The following FOXP1 variants were observed in gnomAD, a reference collection of about 807,000 sequenced individuals.
The protein encoded by FOXP1 is forkhead box P1.
In FOXP1, 15 loss-of-function variants were observed where a neutral mutation model predicts 98.2. The ratio of observed to expected loss-of-function variants is 0.15; its 90% CI spans 0.10 to 0.24. The LOEUF (loss-of-function observed/expected upper bound fraction) is 0.24. Among genes scored for constraint, FOXP1 ranks in the 10% least tolerant of loss-of-function variants. The pLI is 1.00. For synonymous variants in FOXP1, 371 were observed against 314.5 expected (o/e 1.18, Z -1.90); for missense variants, 633 against 848.5 (o/e 0.75, Z 3.15).
intron 7 of FOXP1, among the ~76,000 whole-genome samples, chr3:71,102,549 T>C (rs975920518): frequency 6.6e-6 from 1 of 152,244 alleles, no homozygotes. Context: ...CGGCTGCCTT[T>C]AGACAATTAC....
At chr3:71,578,096 A>G (rs2047870282) in intron 2 of FOXP1, among the ~76,000 whole-genome samples, 1 of 152,228 alleles carries the variant, frequency 6.6e-6, no homozygotes, top group Non-Finnish European at 1.5e-5. Context: ...TTAAAAACAA[A>G]AATACCACCT....
chr3:71,421,645 G>A (rs937839), intron 3 of FOXP1, among the ~76,000 whole-genome samples: 99,408 of 151,966 alleles, frequency 0.65, 33,771 homozygotes, highest in Non-Finnish European at 0.74. Flanking sequence ...CACCTGCGTA[G>A]TGAATGGTTC....
intron 5 of FOXP1, among the ~76,000 whole-genome samples, chr3:71,258,658 G>A (rs1401576614): frequency 6.6e-6 from 1 of 152,202 alleles, no homozygotes; most frequent in East Asian, 1.9e-4. Context: ...AGAGACTTCA[G>A]AGGTCAAATA....
intron 19 of FOXP1, 44 bp downstream of exon 19, chr3:70,970,692 G>C: frequency 7.2e-7 from 1 of 1,390,190 alleles, no homozygotes; most frequent in Non-Finnish European, 1.0e-6. Context: ...GAGTAGGGGA[G>C]ACCTGTGCCT....
At chr3:71,162,165 A>G (rs947354735) in intron 6 of FOXP1, among the ~76,000 whole-genome samples, 1 of 152,212 alleles carries the variant, frequency 6.6e-6, no homozygotes, top group Non-Finnish European at 1.5e-5. Flanking sequence ...CATCACTTAC[A>G]ATTTTTTAAA....
At position 71,534,375 on chromosome 3, in the gene FOXP1, C is replaced by A. The variant is rs1052700431; in HGVS notation, c.-297-40820G>T. ...CTGTCAAAAACAACAACAACAACAA[C>A]AACAAAAAACCCTAAGGCTCTCCCT... On this transcript the variant is annotated intron_variant, in intron 2 of 20. Coordinates refer to ENST00000649528, the MANE Select transcript of FOXP1 (RefSeq NM_001349338.3). 5.3e-5 allele frequency among the ~76,000 whole-genome samples: 8 copies of A among 152,012 alleles called. No homozygotes were observed. In the East Asian group the frequency reaches 7.7e-4, roughly 15 times the overall value.
chr3:71,450,012 C>T (rs2086797550), intron 3 of FOXP1, among the ~76,000 whole-genome samples: 1 of 152,150 alleles, frequency 6.6e-6, no homozygotes, highest in Non-Finnish European at 1.5e-5. Flanking sequence ...GGAAAAGGGG[C>T]TTTATAAACA....
At chr3:71,290,596 C>A (rs1160832850) in intron 5 of FOXP1, among the ~76,000 whole-genome samples, 2 of 152,176 alleles carry the variant, frequency 1.3e-5, no homozygotes. Flanking sequence ...AGATCTTGCT[C>A]TACCTCAAAG....
chr3:71,071,118 C>CT (rs771910882), intron 7 of FOXP1, among the ~76,000 whole-genome samples: 175 of 152,188 alleles, frequency 1.1e-3, no homozygotes, highest in Non-Finnish European at 1.7e-3. Flanking sequence ...CACACCCTGT[C>CT]TTTAAGAGTG....
chr3:71,067,753 C>CACACACACACACAT (rs1319229405), intron 7 of FOXP1, among the ~76,000 whole-genome samples: 64 of 150,664 alleles, frequency 4.2e-4, no homozygotes, highest in Non-Finnish European at 7.4e-4. Flanking sequence ...CACACACACA[C>CACACACACACACAT]ACACACACAC....
chr3:71,531,055 C>T (rs1306793930), intron 2 of FOXP1, among the ~76,000 whole-genome samples: 2 of 152,246 alleles, frequency 1.3e-5, no homozygotes, highest in Non-Finnish European at 1.5e-5. Context: ...TTGTTTCTCA[C>T]TTCCTTATGT....
intron 7 of FOXP1, among the ~76,000 whole-genome samples, chr3:71,058,446 G>A (rs758294539): frequency 6.6e-6 from 1 of 152,014 alleles, no homozygotes; most frequent in Non-Finnish European, 1.5e-5. Flanking sequence ...ATTCACTTCC[G>A]TTCTAGCCTT....
chr3:71,301,642 A>AC (rs1473795126), intron 4 of FOXP1, among the ~76,000 whole-genome samples: 2 of 152,214 alleles, frequency 1.3e-5, no homozygotes, highest in Non-Finnish European at 2.9e-5. Flanking sequence ...GACCTATAGT[A>AC]TTAGACTTTG....
intron 7 of FOXP1, among the ~76,000 whole-genome samples, chr3:71,070,090 C>T (rs1006950536): frequency 1.1e-4 from 16 of 152,164 alleles, no homozygotes; most frequent in African/African-American, 3.4e-4. Flanking sequence ...ACTACTTCAA[C>T]TTATTCAAAA....
At position 71,041,268 on chromosome 3, in the gene FOXP1, G is replaced by C. The variant is rs1159126488; in HGVS notation, c.869+60C>G. 9 of 1,405,234 alleles carry C rather than the reference G, an allele frequency of 6.4e-6. No homozygotes were observed. The Admixed American group carries it at 1.0e-4, about 16-fold the overall frequency. The allele number at this position is 1,405,234 out of a possible 1,614,324, so 87.0% of individuals were successfully genotyped here. ...GATCACTGAGATATGACGAGGCAGG[G>C]CCACCCACCCCTCTCATGTTAAAGG... is the stretch of plus-strand genomic sequence containing the variant. On this transcript the variant is annotated intron_variant, in intron 11 of 20. Coordinates refer to ENST00000649528, the MANE Select transcript of FOXP1 (RefSeq NM_001349338.3).
At chr3:71,070,427 T>C in intron 7 of FOXP1, among the ~76,000 whole-genome samples, 1 of 152,186 alleles carries the variant, frequency 6.6e-6, no homozygotes, top group East Asian at 1.9e-4. Flanking sequence ...ACTGTTCCCA[T>C]TTCAGTGGTC....
At chr3:71,145,748 T>A (rs2060280202) in intron 6 of FOXP1, among the ~76,000 whole-genome samples, 2 of 152,224 alleles carry the variant, frequency 1.3e-5, no homozygotes, top group African/African-American at 4.8e-5. Context: ...CCTATAATTT[T>A]AAGTTGCATT....
intron 3 of FOXP1, among the ~76,000 whole-genome samples, chr3:71,481,173 G>A (rs577822307): frequency 6.6e-6 from 1 of 152,278 alleles, no homozygotes; most frequent in East Asian, 1.9e-4. Context: ...CTAACAGCTG[G>A]CTGTAATTTA....
chr3:71,319,803 A>G (rs1447332854), intron 4 of FOXP1, among the ~76,000 whole-genome samples: 1 of 152,022 alleles, frequency 6.6e-6, no homozygotes, highest in Non-Finnish European at 1.5e-5. Flanking sequence ...ATGATCTACA[A>G]CCTTCTTCAG....
Sources: allele counts gnomAD v4.1 joint callset (sites outside exome capture counted in the v4.1 genomes callset), GRCh38; gene constraint gnomAD v4.1.1; transcripts MANE v1.5; gene names NCBI Gene and HGNC (gene_info 2026-07-23, HGNC 2026-07-21).